GPC5: variants seen among roughly 807,000 people sequenced by gnomAD.
GPC5 encodes the protein glypican-5.
In GPC5, 47 loss-of-function variants were observed where a neutral mutation model predicts 53.9. The observed-to-expected ratio is 0.87, with a 90% confidence interval of 0.69 to 1.11. GPC5 has a LOEUF of 1.11. GPC5 is among the 50% of genes most tolerant of loss of function. The pLI, the probability that GPC5 is intolerant of heterozygous loss-of-function variation, is 0.00. For synonymous variants in GPC5, 286 were observed against 263.3 expected (o/e 1.09, Z -0.84); for missense variants, 748 against 713.1 (o/e 1.05, Z -0.56).
At chr13:91,610,792 T>C (rs2033523615) in intron 2 of GPC5, among the ~76,000 whole-genome samples, 2 of 152,232 alleles carry the variant, frequency 1.3e-5, no homozygotes, top group Non-Finnish European at 2.9e-5. Context: ...CTGTCTTTTC[T>C]ATCTAATGGT....
rs560297083 is a variant in GPC5 at position 92,826,760 on chromosome 13, T to C, written c.1562-39522T>C. On this transcript the variant is annotated intron_variant, in intron 7 of 7. Transcript: ENST00000377067. ...TACCAGCATTAACGTATCTCATTAATATATTGTATTTCACTTGTGAGTTTA... is the reference window on the plus strand; with the variant it reads ...TACCAGCATTAACGTATCTCATTAACATATTGTATTTCACTTGTGAGTTTA... Among the ~76,000 whole-genome samples the C allele has an allele frequency of 7.2e-5, 11 of 152,264 alleles. No homozygotes were observed. In the South Asian group the frequency reaches 1.2e-3, roughly 17 times the overall value.
chr13:92,093,088 A>G (rs1362147619), intron 6 of GPC5, among the ~76,000 whole-genome samples: 1 of 152,218 alleles, frequency 6.6e-6, no homozygotes, highest in Non-Finnish European at 1.5e-5. Context: ...ACAATCAGCT[A>G]AACTAACATT....
intron 2 of GPC5, among the ~76,000 whole-genome samples, chr13:91,537,680 T>C (rs1179283681): frequency 7.2e-5 from 11 of 152,168 alleles, no homozygotes; most frequent in Non-Finnish European, 8.8e-5. Context: ...GAGGCCAATA[T>C]TACCCTGATA....
At chr13:91,410,967 G>T (rs1428640162) in intron 1 of GPC5, among the ~76,000 whole-genome samples, 3 of 152,040 alleles carry the variant, frequency 2.0e-5, no homozygotes, top group African/African-American at 7.2e-5. Flanking sequence ...AAATTAGCTG[G>T]GCGTAGTGGC....
At chr13:91,905,894 C>G (rs1304676583) in intron 5 of GPC5, among the ~76,000 whole-genome samples, 2 of 152,012 alleles carry the variant, frequency 1.3e-5, no homozygotes, top group Non-Finnish European at 2.9e-5. Flanking sequence ...TAAAATGTCT[C>G]TTTAATTTCA....
chr13:92,320,569 G>A lies in GPC5; in HGVS notation c.1561+175580G>A, dbSNP rs116466577. Reference sequence around the variant, plus strand: ...TTAGTACACAGTGTTCCCCATAAGTGTTTTATTAAGCTAACTAATGAGTTC... The same window carrying A: ...TTAGTACACAGTGTTCCCCATAAGTATTTTATTAAGCTAACTAATGAGTTC... On this transcript the variant is annotated intron_variant, in intron 7 of 7. Transcript: ENST00000377067. Among the ~76,000 whole-genome samples, 560 of 152,210 alleles carry A rather than the reference G, an allele frequency of 3.7e-3. 4 individuals are homozygous for A. The highest frequency in any genetic ancestry group is 0.013 in the African/African-American group (530 of 41,542).
At chr13:91,436,252 T>C (rs2139045668) in intron 1 of GPC5, among the ~76,000 whole-genome samples, 1 of 152,248 alleles carries the variant, frequency 6.6e-6, no homozygotes, top group Admixed American at 6.5e-5. Context: ...TTGCTCTTGC[T>C]TCTCTAGTTC....
At chr13:92,555,478 T>C (rs2139021579) in intron 7 of GPC5, among the ~76,000 whole-genome samples, 1 of 151,492 alleles carries the variant, frequency 6.6e-6, no homozygotes, top group South Asian at 2.1e-4. Flanking sequence ...GACTTAATCT[T>C]ATAAACATAT....
At chr13:92,541,175 C>T (rs1188414802) in intron 7 of GPC5, among the ~76,000 whole-genome samples, 1 of 151,440 alleles carries the variant, frequency 6.6e-6, no homozygotes, top group Non-Finnish European at 1.5e-5. Flanking sequence ...TTTTAGTAAC[C>T]ACAAGCGTAT....
intron 2 of GPC5, among the ~76,000 whole-genome samples, chr13:91,545,945 ATAATT>A (rs1429517422): frequency 2.0e-5 from 3 of 152,108 alleles, no homozygotes; most frequent in African/African-American, 7.2e-5. Context: ...TGTATTTAGA[ATAATT>A]TAATATTAAC....
At chr13:91,862,877 A>T (rs982826894) in intron 5 of GPC5, among the ~76,000 whole-genome samples, 6 of 152,042 alleles carry the variant, frequency 3.9e-5, no homozygotes, top group Admixed American at 3.9e-4. Flanking sequence ...TTAAGAAGAG[A>T]TCTTTAGACC....
chr13:92,292,635 G>T (rs2043006031), intron 7 of GPC5, among the ~76,000 whole-genome samples: 1 of 151,966 alleles, frequency 6.6e-6, no homozygotes, highest in African/African-American at 2.4e-5. Flanking sequence ...TGTTTACTCG[G>T]CTATTTCTTT....
At chr13:92,803,789 G>A (rs982661173) in intron 7 of GPC5, among the ~76,000 whole-genome samples, 3 of 151,756 alleles carry the variant, frequency 2.0e-5, no homozygotes, top group Non-Finnish European at 4.4e-5. Context: ...GCGGATGTTG[G>A]GTATTATATG....
chr13:92,169,455 AT>A lies in GPC5; in HGVS notation c.1561+24470del, dbSNP rs201858837. Reference sequence around the variant, plus strand: ...CATTGTTTTTCTCAGAACATTGTTCATTTTGTCTTAGTCTACCTTTTATTTC... The same window carrying A: ...CATTGTTTTTCTCAGAACATTGTTCATTTGTCTTAGTCTACCTTTTATTTC... On this transcript the variant is annotated intron_variant, in intron 7 of 7. Transcript: ENST00000377067. Among the ~76,000 whole-genome samples the A allele has an allele frequency of 2.1e-3, 315 of 152,336 alleles. 3 individuals are homozygous for A. Among genetic ancestry groups the A allele is most frequent in the East Asian group, 0.016 (81 of 5,188 alleles).
At chr13:92,376,255 A>G (rs1450321527) in intron 7 of GPC5, among the ~76,000 whole-genome samples, 1 of 152,178 alleles carries the variant, frequency 6.6e-6, no homozygotes, top group Non-Finnish European at 1.5e-5. Flanking sequence ...TCAGAGATTT[A>G]TTCTTTGAGG....
chr13:92,787,555 G>A (rs1876285181), intron 7 of GPC5, among the ~76,000 whole-genome samples: 1 of 151,416 alleles, frequency 6.6e-6, no homozygotes, highest in South Asian at 2.1e-4. Context: ...AGATGGGTTA[G>A]GTGCAGTGAC....
intron 7 of GPC5, among the ~76,000 whole-genome samples, chr13:92,522,742 A>C (rs960394904): frequency 6.6e-6 from 1 of 152,138 alleles, no homozygotes; most frequent in Non-Finnish European, 1.5e-5. Context: ...CATTGTGCAC[A>C]TGTACCCTAG....
At chr13:92,271,089 G>T (rs998242037) in intron 7 of GPC5, among the ~76,000 whole-genome samples, 2 of 151,558 alleles carry the variant, frequency 1.3e-5, no homozygotes, top group Admixed American at 6.6e-5. Flanking sequence ...TTTCCAGGGC[G>T]CCCACAGAAA....
intron 7 of GPC5, among the ~76,000 whole-genome samples, chr13:92,497,166 T>C (rs1566616465): frequency 6.6e-6 from 1 of 152,224 alleles, no homozygotes; most frequent in Admixed American, 6.5e-5. Flanking sequence ...ATTTTTGTCA[T>C]GATGTCTTTG....
Sources: allele counts gnomAD v4.1 joint callset (sites outside exome capture counted in the v4.1 genomes callset), GRCh38; gene constraint gnomAD v4.1.1; transcripts MANE v1.5; gene names NCBI Gene and HGNC (gene_info 2026-07-23, HGNC 2026-07-21).